The following CLOCK variants were observed in gnomAD, a reference collection of about 807,000 sequenced individuals.
CLOCK encodes circadian locomoter output cycles protein kaput.
CLOCK carries 43 observed loss-of-function variants against 118.4 expected under a neutral mutation model. The observed-to-expected ratio is 0.36, with a 90% CI of 0.28 to 0.47. The LOEUF is 0.47. Ranked by LOEUF, CLOCK falls within the 20% of genes least tolerant of loss-of-function variation. The pLI is 1.00. For missense variants in CLOCK, 846 were observed against 999.9 expected (o/e 0.85, Z 2.08); for synonymous variants, 326 against 339.2 (o/e 0.96, Z 0.43).
intron 1 of CLOCK, among the ~76,000 whole-genome samples, chr4:55,533,638 C>T (rs1730696250): frequency 1.3e-5 from 2 of 152,114 alleles, no homozygotes; most frequent in Non-Finnish European, 2.9e-5. Flanking sequence ...CATGGTGGCT[C>T]GTGCCTGTAA....
chr4:55,507,713 G>A (rs1728902138), intron 2 of CLOCK, among the ~76,000 whole-genome samples: 3 of 152,098 alleles, frequency 2.0e-5, no homozygotes, highest in Non-Finnish European at 4.4e-5. Flanking sequence ...GTCTCAATAA[G>A]CAAACCTTTA....
intron 1 of CLOCK, among the ~76,000 whole-genome samples, chr4:55,512,513 T>G (rs1224141009): frequency 6.6e-6 from 1 of 152,190 alleles, no homozygotes; most frequent in Non-Finnish European, 1.5e-5. Flanking sequence ...TGCAAATATC[T>G]TCAAGTCTGT....
intron 1 of CLOCK, among the ~76,000 whole-genome samples, chr4:55,525,755 C>T (rs1162451100): frequency 2.6e-5 from 4 of 152,022 alleles, no homozygotes; most frequent in Admixed American, 2.6e-4. Flanking sequence ...CAAGCATGAG[C>T]CACCACACCT....
intron 21 of CLOCK, 81 bp downstream of exon 21, chr4:55,442,351 A>C: frequency 7.8e-7 from 1 of 1,279,436 alleles, no homozygotes; most frequent in Middle Eastern, 2.2e-4. Flanking sequence ...ACATTAAAAA[A>C]TTTGATTAAG....
chr4:55,442,039 A>G (rs1723414499), intron 21 of CLOCK, among the ~76,000 whole-genome samples: 1 of 152,168 alleles, frequency 6.6e-6, no homozygotes, highest in Non-Finnish European at 1.5e-5. Flanking sequence ...TTGAGATAAT[A>G]TATTTTGAGC....
At chr4:55,526,648 A>G (rs1452772869) in intron 1 of CLOCK, among the ~76,000 whole-genome samples, 1 of 151,886 alleles carries the variant, frequency 6.6e-6, no homozygotes, top group Non-Finnish European at 1.5e-5. Context: ...TGTAGACAGT[A>G]AGGAAAAAAA....
rs1303579766 is a variant in CLOCK at position 55,450,177 on chromosome 4, A to G, written c.1262T>C (p.Leu421Ser). ...RINTVSLKEA[L>S]ERFDHSPTPS... ...GGTTGGGCTGTGATCAAACCTTTCCAATGCTTCCTTGAGACTGACTGTGTT... is the reference window on the plus strand; with the variant it reads ...GGTTGGGCTGTGATCAAACCTTTCCGATGCTTCCTTGAGACTGACTGTGTT... The change falls in exon 16 of 23, where the codon TTG (leucine) becomes TCG (serine). Residue 421 changes from leucine (L) to serine (S), a missense_variant. This residue lies in a region of CLOCK where 520 missense variants were observed against 558.0 expected (regional missense o/e 0.93). Transcript: ENST00000513440. The G allele has an allele frequency of 1.9e-6, 3 of 1,613,934 alleles. No individual in the cohort carries two copies. The highest frequency in any genetic ancestry group is 2.5e-6 in the Non-Finnish European group (3 of 1,179,986).
intron 4 of CLOCK, among the ~76,000 whole-genome samples, chr4:55,480,278 T>C (rs928630164): frequency 2.7e-4 from 41 of 152,204 alleles, no homozygotes; most frequent in African/African-American, 9.4e-4. Context: ...TTTCCTTTTT[T>C]TCTGGAGACA....
Position 55,541,391 on chromosome 4 carries a change from T to C in CLOCK, c.-290+5391A>G, listed in dbSNP as rs146867983. On this transcript the variant is annotated intron_variant, in intron 1 of 22. Coordinates refer to ENST00000513440, the MANE Select transcript of CLOCK (RefSeq NM_004898.4). ...GAAAATGCAACAGCCATTGGTGTAA[T>C]GCCTACAAGGAACTTAAAAAATATT... Among the ~76,000 whole-genome samples, 1,100 of 152,328 alleles carry C rather than the reference T, an allele frequency of 7.2e-3. 12 individuals are homozygous for C. The highest frequency in any genetic ancestry group is 0.01 in the Non-Finnish European group (694 of 68,024).
At chr4:55,507,552 G>A (rs1728892557) in intron 2 of CLOCK, among the ~76,000 whole-genome samples, 1 of 151,924 alleles carries the variant, frequency 6.6e-6, no homozygotes, top group Non-Finnish European at 1.5e-5. Flanking sequence ...GGTGGAGGTT[G>A]AAGCCAAGAG....
intron 15 of CLOCK, among the ~76,000 whole-genome samples, chr4:55,451,837 G>A (rs553059035): frequency 2.6e-5 from 4 of 151,968 alleles, no homozygotes; most frequent in Non-Finnish European, 5.9e-5. Flanking sequence ...GTTCTTTCAC[G>A]TGGGATCCAT....
At chr4:55,473,646 C>T (rs1173121967) in intron 7 of CLOCK, among the ~76,000 whole-genome samples, 1 of 152,114 alleles carries the variant, frequency 6.6e-6, no homozygotes, top group Non-Finnish European at 1.5e-5. Flanking sequence ...ACTTCAGTTA[C>T]TGGGTTTTGT....
chr4:55,443,908 A>C lies in CLOCK; in HGVS notation c.1693-12T>G. On this transcript the variant is annotated splice_polypyrimidine_tract_variant and intron_variant, in intron 19 of 22. Transcript: ENST00000513440. The stretch of plus-strand genomic sequence containing the variant: ...TGTTGCAAAAACATCTTTAAAAATA[A>C]AGATTATGTTAAAATGAGCTTTGTA... 1.2e-6 allele frequency: 2 copies of C among 1,608,528 alleles called. No homozygotes were observed. Among genetic ancestry groups the C allele is most frequent in the Non-Finnish European group, 1.7e-6 (2 of 1,177,062 alleles).
intron 13 of CLOCK, among the ~76,000 whole-genome samples, chr4:55,455,055 A>G (rs1220046478): frequency 1.3e-5 from 2 of 152,120 alleles, no homozygotes; most frequent in Non-Finnish European, 2.9e-5. Flanking sequence ...CTATTATACA[A>G]CCTGCTTCAT....
intron 3 of CLOCK, among the ~76,000 whole-genome samples, chr4:55,487,678 AC>A (rs143580852): frequency 0.034 from 5,132 of 152,206 alleles, 104 homozygotes; most frequent in Non-Finnish European, 0.054. Context: ...GAATATAATT[AC>A]CCCTTAAACA....
chr4:55,514,317 G>A (rs12649507), intron 1 of CLOCK, among the ~76,000 whole-genome samples: 46,196 of 151,798 alleles, frequency 0.3, 7,630 homozygotes, highest in East Asian at 0.58. Flanking sequence ...ATTCAGTGAC[G>A]CTCTTTACTG....
intron 7 of CLOCK, among the ~76,000 whole-genome samples, chr4:55,472,911 GTAT>G (rs888170631): frequency 4.6e-5 from 7 of 152,066 alleles, no homozygotes; most frequent in Non-Finnish European, 1.0e-4. Context: ...AATAATGCCA[GTAT>G]TATTATTTCA....
At chr4:55,500,896 G>A (rs1014249322) in intron 2 of CLOCK, among the ~76,000 whole-genome samples, 9 of 152,036 alleles carry the variant, frequency 5.9e-5, no homozygotes, top group African/African-American at 1.9e-4. Flanking sequence ...CTGTCACCCA[G>A]GCTGGAGTGC....
In CLOCK at chr4:55,494,352, A is replaced by G. The variant is rs183820081; in HGVS notation, c.-135-4887T>C. Among the ~76,000 whole-genome samples, 8 of 152,306 alleles carry G rather than the reference A, an allele frequency of 5.3e-5. No individual in the cohort carries two copies. The East Asian group carries it at 1.4e-3, about 26-fold the overall frequency. ...GGACCTTATGAAGATGTTATGTCAC[A>G]TGGCAAAAAAGGACACTGCAGATGT... On this transcript the variant is annotated intron_variant, in intron 2 of 22. Coordinates refer to ENST00000513440, the MANE Select transcript of CLOCK (RefSeq NM_004898.4).
Sources: gnomAD v4.1 joint callset for allele counts (sites outside exome capture counted in the v4.1 genomes callset) on GRCh38, gnomAD v4.1.1 for gene constraint, gnomAD v4.1.1 regional missense constraint, MANE v1.5 for transcripts, NCBI Gene and HGNC (gene_info 2026-07-23, HGNC 2026-07-21) for gene names.